RORA: variants seen among roughly 807,000 people sequenced by gnomAD.
The protein encoded by RORA is RAR related orphan receptor A, also known as nuclear receptor ROR-alpha.
Under a neutral mutation model 69.5 loss-of-function variants are expected in RORA, and 7 were observed. The ratio of observed to expected loss-of-function variants is 0.10; its 90% confidence interval spans 0.06 to 0.19. RORA has a LOEUF of 0.19. Ranked by LOEUF, RORA falls within the 10% of genes least tolerant of loss-of-function variation. The probability of loss-of-function intolerance (pLI) is 1.00; values close to 1 mark genes in which losing one functional copy is unlikely to be tolerated. For synonymous variants in RORA, 261 were observed against 240.8 expected, an observed-to-expected ratio of 1.08 and a Z score of -0.78; for missense variants, 457 against 663.0, an observed-to-expected ratio of 0.69 and a Z score of 3.41.
intron 1 of RORA, among the ~76,000 whole-genome samples, chr15:60,732,424 C>T (rs1402828680): frequency 6.6e-6 from 1 of 152,164 alleles, no homozygotes; most frequent in African/African-American, 2.4e-5. Context: ...GGGAAATCTT[C>T]AGCAAACAGC....
intron 6 of RORA, among the ~76,000 whole-genome samples, chr15:60,504,697 C>A (rs1450529336): frequency 6.6e-6 from 1 of 152,198 alleles, no homozygotes; most frequent in Non-Finnish European, 1.5e-5. Flanking sequence ...TTACCTGCTA[C>A]CTCAAAGGCA....
At chr15:61,224,851 C>T (rs2140951563) in intron 1 of RORA, among the ~76,000 whole-genome samples, 1 of 152,310 alleles carries the variant, frequency 6.6e-6, no homozygotes, top group Middle Eastern at 3.4e-3. Context: ...CAGCCCCCAC[C>T]TCTGCTACCT....
At chr15:60,739,864 T>C (rs932907486) in intron 1 of RORA, among the ~76,000 whole-genome samples, 1 of 152,194 alleles carries the variant, frequency 6.6e-6, no homozygotes, top group Admixed American at 6.5e-5. Flanking sequence ...CTTGTACTTC[T>C]CGTGCTCTTT....
intron 1 of RORA, among the ~76,000 whole-genome samples, chr15:60,741,852 G>A (rs1189345461): frequency 2.6e-5 from 4 of 152,096 alleles, no homozygotes; most frequent in South Asian, 2.1e-4. Flanking sequence ...CTGCATGGCC[G>A]CATGGCCACA....
chr15:60,569,496 A>C (rs188691083), intron 2 of RORA, among the ~76,000 whole-genome samples: 2 of 152,276 alleles, frequency 1.3e-5, no homozygotes, highest in Admixed American at 1.3e-4. Context: ...ATGCTTAGTA[A>C]ATATGTAGTA....
At chr15:60,618,506 C>T (rs2069316221) in intron 2 of RORA, among the ~76,000 whole-genome samples, 1 of 152,094 alleles carries the variant, frequency 6.6e-6, no homozygotes, top group Admixed American at 6.5e-5. Context: ...TATTAGGAGG[C>T]AGGATACCTA....
chr15:60,513,717 G>C (rs148738047), intron 4 of RORA, among the ~76,000 whole-genome samples: 4 of 152,282 alleles, frequency 2.6e-5, no homozygotes, highest in Admixed American at 2.6e-4. Context: ...AGAATACGCA[G>C]GAACAAAAGT....
intron 1 of RORA, chr15:60,682,274 C>A (rs2070654481): frequency 6.6e-6 from 1 of 152,152 alleles, no homozygotes; most frequent in African/African-American, 2.4e-5. Context: ...ACTGAATTAC[C>A]ATGTGATAGT....
intron 1 of RORA, among the ~76,000 whole-genome samples, chr15:60,720,222 C>T (rs2071274821): frequency 6.6e-6 from 1 of 152,120 alleles, no homozygotes; most frequent in African/African-American, 2.4e-5. Context: ...TCTCTTGAGT[C>T]CCTTAAGGCC....
At chr15:60,804,148 C>T (rs529731409) in intron 1 of RORA, among the ~76,000 whole-genome samples, 1 of 151,850 alleles carries the variant, frequency 6.6e-6, no homozygotes, top group South Asian at 2.1e-4. Context: ...ATTAGCCAGG[C>T]GTGGTGGTGG....
intron 1 of RORA, among the ~76,000 whole-genome samples, chr15:60,703,819 G>A (rs2071020818): frequency 6.6e-6 from 1 of 150,552 alleles, no homozygotes; most frequent in African/African-American, 2.4e-5. Flanking sequence ...CTTTGCACCT[G>A]AAAACACAGT....
intron 1 of RORA, among the ~76,000 whole-genome samples, chr15:60,987,231 G>T (rs1276748462): frequency 6.6e-6 from 1 of 152,136 alleles, no homozygotes; most frequent in Non-Finnish European, 1.5e-5. Context: ...TCTCCTTATT[G>T]TTGGGCACGT....
intron 2 of RORA, among the ~76,000 whole-genome samples, chr15:60,672,814 G>A (rs1409863309): frequency 6.6e-6 from 1 of 152,234 alleles, no homozygotes; most frequent in Non-Finnish European, 1.5e-5. Flanking sequence ...GGTAGGTGGT[G>A]TTCCTGCTAT....
At chr15:60,752,690 G>T (rs2071742766) in intron 1 of RORA, among the ~76,000 whole-genome samples, 1 of 145,024 alleles carries the variant, frequency 6.9e-6, no homozygotes, top group African/African-American at 2.6e-5. Flanking sequence ...GTAGAGCACT[G>T]CTGGGAAAAC....
intron 1 of RORA, among the ~76,000 whole-genome samples, chr15:60,838,959 C>T (rs1217050681): frequency 6.6e-6 from 1 of 151,592 alleles, no homozygotes; most frequent in African/African-American, 2.4e-5. Context: ...CGCGATCTCT[C>T]CTCACTGCAA....
At chr15:60,868,449 C>T (rs1383260572) in intron 1 of RORA, among the ~76,000 whole-genome samples, 2 of 152,188 alleles carry the variant, frequency 1.3e-5, no homozygotes, top group African/African-American at 2.4e-5. Flanking sequence ...AGGACTTGTG[C>T]ATTGAAAGCT....
In RORA at chr15:60,493,677, T is replaced by G. The variant is rs1187222490; in HGVS notation, c.*3778A>C. ...TATTTTTTTTTTTAGAAAATTACAT[T>G]ACTTTCTTTCTTTGTTTCACATTAC... On this transcript the variant is annotated 3_prime_UTR_variant, in exon 11 of 11. Coordinates refer to ENST00000335670, the MANE Select transcript of RORA (RefSeq NM_134261.3). 1 of 152,086 alleles carries G rather than the reference T, an allele frequency of 6.6e-6. No individual in the cohort carries two copies. The highest frequency in any genetic ancestry group is 1.5e-5 in the Non-Finnish European group (1 of 68,002). The allele number at this position is 152,086 out of a possible 1,614,324, so 9.4% of individuals were successfully genotyped here.
At chr15:60,683,662 A>ACACACG (rs1234200132) in intron 1 of RORA, among the ~76,000 whole-genome samples, 1 of 151,764 alleles carries the variant, frequency 6.6e-6, no homozygotes, top group Admixed American at 6.6e-5. Context: ...ACACACACAC[A>ACACACG]CACACACACA....
intron 1 of RORA, among the ~76,000 whole-genome samples, chr15:61,028,263 G>A (rs753255465): frequency 6.6e-6 from 1 of 152,074 alleles, no homozygotes; most frequent in Non-Finnish European, 1.5e-5. Flanking sequence ...ATACACAAAC[G>A]GGTAAAGGCA....
Sources: allele counts gnomAD v4.1 joint callset (sites outside exome capture counted in the v4.1 genomes callset), GRCh38; gene constraint gnomAD v4.1.1; transcripts MANE v1.5; gene names NCBI Gene and HGNC (gene_info 2026-07-23, HGNC 2026-07-21).